NAT1: variants seen among roughly 807,000 people sequenced by gnomAD.
NAT1 encodes the protein N-acetyltransferase 1.
For missense variants in NAT1, 400 were observed against 339.2 expected, an observed-to-expected ratio of 1.18 and a Z score of -1.41; for synonymous variants, 144 against 122.6, an observed-to-expected ratio of 1.17 and a Z score of -1.16.
chr8:18,203,229 TAAAG>T (rs1466873606), intron 2 of NAT1, among the ~76,000 whole-genome samples: 1 of 152,206 alleles, frequency 6.6e-6, no homozygotes, highest in Non-Finnish European at 1.5e-5. Flanking sequence ...TTAATTGGCT[TAAAG>T]AAAAAGTAAA....
intron 2 of NAT1, among the ~76,000 whole-genome samples, chr8:18,178,343 T>G (rs943470911): frequency 2.0e-5 from 3 of 152,130 alleles, no homozygotes; most frequent in African/African-American, 7.2e-5. Flanking sequence ...TGAACATAAG[T>G]CAAAAGAGAA....
chr8:18,211,583 C>A (rs1804106009), intron 1 of NAT1, among the ~76,000 whole-genome samples: 1 of 152,118 alleles, frequency 6.6e-6, no homozygotes, highest in Non-Finnish European at 1.5e-5. Context: ...GTGCAAGTAA[C>A]CCCCACCACC....
chr8:18,205,702 C>T (rs974016750), upstream of NAT1, among the ~76,000 whole-genome samples: 1 of 152,144 alleles, frequency 6.6e-6, no homozygotes, highest in Non-Finnish European at 1.5e-5. Context: ...TTGCACTGGG[C>T]CCTAGGGAAG....
Position 18,220,600 on chromosome 8 carries a change from G to A in NAT1, c.-7+1111G>A, listed in dbSNP as rs559998086. Among the ~76,000 whole-genome samples, 697 of 152,214 alleles carry A rather than the reference G, an allele frequency of 4.6e-3. 5 individuals are homozygous for A. The highest frequency in any genetic ancestry group is 0.016 in the African/African-American group (666 of 41,532). On this transcript the variant is annotated intron_variant, in intron 2 of 2. Coordinates refer to ENST00000307719, the MANE Select transcript of NAT1 (RefSeq NM_000662.8). ...CACATTACCTGAAAGTTAAAAGATAGCTTTCGGCTTCATTCAGGTCTTTCC... is the reference window on the plus strand; with the variant it reads ...CACATTACCTGAAAGTTAAAAGATAACTTTCGGCTTCATTCAGGTCTTTCC...
At chr8:18,215,668 T>A (rs1436394844) in intron 1 of NAT1, among the ~76,000 whole-genome samples, 1 of 152,210 alleles carries the variant, frequency 6.6e-6, no homozygotes, top group East Asian at 1.9e-4. Flanking sequence ...TGTGGTTTTT[T>A]TGTATATAAC....
At chr8:18,182,431 G>A (rs183747928) in intron 2 of NAT1, among the ~76,000 whole-genome samples, 3 of 152,194 alleles carry the variant, frequency 2.0e-5, no homozygotes, top group African/African-American at 7.2e-5. Flanking sequence ...ATGTTTATTG[G>A]AAGCTTTATT....
intron 2 of NAT1, among the ~76,000 whole-genome samples, chr8:18,178,058 C>CTCCA (rs1802359511): frequency 6.6e-6 from 1 of 151,986 alleles, no homozygotes; most frequent in Admixed American, 6.6e-5. Context: ...AGCTAAAAGG[C>CTCCA]ATTATTAGGT....
At chr8:18,181,526 C>A (rs966015317) in intron 2 of NAT1, among the ~76,000 whole-genome samples, 2 of 152,146 alleles carry the variant, frequency 1.3e-5, no homozygotes, top group African/African-American at 4.8e-5. Context: ...GATAATCTGA[C>A]TTCTTTCTTT....
At chr8:18,184,772 T>C (rs1427561856) in intron 2 of NAT1, among the ~76,000 whole-genome samples, 3 of 152,140 alleles carry the variant, frequency 2.0e-5, no homozygotes, top group African/African-American at 7.2e-5. Flanking sequence ...CTTTCAAGAG[T>C]GGGCTTTCTC....
chr8:18,205,431 T>G (rs1589093027), upstream of NAT1, among the ~76,000 whole-genome samples: 1 of 152,030 alleles, frequency 6.6e-6, no homozygotes, highest in South Asian at 2.1e-4. Context: ...TCGGGGCAGG[T>G]GAGGATCCAC....
At chr8:18,216,509 C>T (rs1486306197) in intron 1 of NAT1, among the ~76,000 whole-genome samples, 2 of 152,146 alleles carry the variant, frequency 1.3e-5, no homozygotes, top group African/African-American at 4.8e-5. Flanking sequence ...AGTAAGGAAA[C>T]CACAGCATAT....
intron 2 of NAT1, among the ~76,000 whole-genome samples, chr8:18,193,491 GATATATATATATATAAT>G (rs58379326): frequency 0.069 from 7,120 of 102,766 alleles, 528 homozygotes; most frequent in African/African-American, 0.17. Context: ...TATATAATCT[GATATATATATATATAAT>G]ATATATATAT....
intron 2 of NAT1, among the ~76,000 whole-genome samples, chr8:18,172,216 A>G (rs1396280727): frequency 6.6e-6 from 1 of 152,098 alleles, no homozygotes; most frequent in Non-Finnish European, 1.5e-5. Flanking sequence ...GCCAAACACT[A>G]GAAGAAGAGA....
chr8:18,195,776 G>C (rs1803204044), intron 2 of NAT1, among the ~76,000 whole-genome samples: 1 of 152,098 alleles, frequency 6.6e-6, no homozygotes, highest in African/African-American at 2.4e-5. Flanking sequence ...GCTGCACTCA[G>C]AGCCCATAAA....
intron 2 of NAT1, among the ~76,000 whole-genome samples, chr8:18,204,907 A>G (rs1803643140): frequency 1.3e-5 from 2 of 152,208 alleles, no homozygotes; most frequent in South Asian, 4.1e-4. Flanking sequence ...GTAAAGTGGA[A>G]TGAAGTGACT....
intron 1 of NAT1, among the ~76,000 whole-genome samples, chr8:18,218,841 C>T (rs953838524): frequency 6.6e-6 from 1 of 152,188 alleles, no homozygotes; most frequent in African/African-American, 2.4e-5. Context: ...TTCACAGACT[C>T]CTCAGTTTTC....
chr8:18,214,879 T>C (rs1804476797), intron 1 of NAT1, among the ~76,000 whole-genome samples: 1 of 152,180 alleles, frequency 6.6e-6, no homozygotes, highest in African/African-American at 2.4e-5. Context: ...TGCTGTTTGC[T>C]TCTTTGTATT....
chr8:18,184,584 G>A (rs1802656386), intron 2 of NAT1, among the ~76,000 whole-genome samples: 1 of 152,176 alleles, frequency 6.6e-6, no homozygotes, highest in Non-Finnish European at 1.5e-5. Flanking sequence ...TAATAATCAA[G>A]AATAACAATA....
chr8:18,212,910 T>G (rs1232297733), intron 1 of NAT1: 1 of 122,282 alleles, frequency 8.2e-6, no homozygotes, highest in African/African-American at 2.8e-5. Context: ...ACCAATAGGG[T>G]TTTTTTTTTT....
Sources: gnomAD v4.1 joint callset for allele counts (sites outside exome capture counted in the v4.1 genomes callset) on GRCh38, gnomAD v4.1.1 for gene constraint, MANE v1.5 for transcripts, NCBI Gene and HGNC (gene_info 2026-07-23, HGNC 2026-07-21) for gene names.